CALN1: variants seen among roughly 807,000 people sequenced by gnomAD.
CALN1 encodes calneuron 1.
Under a neutral mutation model 30.6 loss-of-function variants are expected in CALN1, and 17 were observed. The ratio of observed to expected loss-of-function variants is 0.56; its 90% CI spans 0.38 to 0.83. The LOEUF is 0.83. Ranked by LOEUF, CALN1 falls within the 40% of genes least tolerant of loss-of-function variation. The pLI is 0.00. For missense variants in CALN1, 291 were observed against 354.9 expected, an observed-to-expected ratio of 0.82 and a Z score of 1.45; for synonymous variants, 156 against 131.4, an observed-to-expected ratio of 1.19 and a Z score of -1.28.
intron 2 of CALN1, among the ~76,000 whole-genome samples, chr7:72,292,771 A>G (rs1234495246): frequency 7.0e-6 from 1 of 142,646 alleles, no homozygotes; most frequent in Non-Finnish European, 1.5e-5. Context: ...CAGTGAGCCG[A>G]GATCGCGCCA....
At chr7:72,426,578 C>T (rs1185566392) in intron 1 of CALN1, among the ~76,000 whole-genome samples, 1 of 152,172 alleles carries the variant, frequency 6.6e-6, no homozygotes, top group African/African-American at 2.4e-5. Context: ...ATTACACAGT[C>T]TCAGGCATTA....
intron 4 of CALN1, among the ~76,000 whole-genome samples, chr7:72,043,413 GA>G (rs1042745427): frequency 1.3e-4 from 20 of 151,948 alleles, no homozygotes; most frequent in Non-Finnish European, 2.6e-4. Flanking sequence ...AATAAAAATA[GA>G]AAAAAATGCT....
At chr7:72,500,543 G>A in the CALN1 span, among the ~76,000 whole-genome samples, 1 of 151,832 alleles carries the variant, frequency 6.6e-6, no homozygotes, top group Non-Finnish European at 1.5e-5. Context: ...GCTTCCCAAA[G>A]TGCTGGGATT....
At chr7:72,397,019 T>TC (rs929345993) in intron 2 of CALN1, among the ~76,000 whole-genome samples, 2 of 151,648 alleles carry the variant, frequency 1.3e-5, no homozygotes, top group Non-Finnish European at 2.9e-5. Flanking sequence ...CAAGCAATCC[T>TC]CCCCCCTCAG....
At chr7:71,920,046 CAAAAGCATAT>C (rs1794860804) in intron 5 of CALN1, among the ~76,000 whole-genome samples, 2 of 152,282 alleles carry the variant, frequency 1.3e-5, no homozygotes, top group Non-Finnish European at 2.9e-5. Context: ...GTACAATGTT[CAAAAGCATAT>C]GAAAGCTTCT....
At chr7:71,991,048 A>AG (rs111795537) in intron 5 of CALN1, among the ~76,000 whole-genome samples, 7,360 of 146,292 alleles carry the variant, frequency 0.05, 624 homozygotes, top group East Asian at 0.29. Context: ...TGAAACAGTG[A>AG]GGGGGGGGGT....
At chr7:72,195,489 C>T (rs1221444693) in intron 3 of CALN1, among the ~76,000 whole-genome samples, 2 of 152,194 alleles carry the variant, frequency 1.3e-5, no homozygotes, top group Non-Finnish European at 1.5e-5. Context: ...TATCCTCCTG[C>T]TTCAGCCTCC....
chr7:71,980,948 C>A (rs1005934368), intron 5 of CALN1, among the ~76,000 whole-genome samples: 14 of 152,034 alleles, frequency 9.2e-5, no homozygotes, highest in Admixed American at 4.6e-4. Flanking sequence ...AGGGTTCTTT[C>A]CAACCCTGGG....
At chr7:72,291,875 G>T (rs1193607257) in intron 2 of CALN1, among the ~76,000 whole-genome samples, 8 of 151,998 alleles carry the variant, frequency 5.3e-5, no homozygotes, top group Non-Finnish European at 8.8e-5. Flanking sequence ...GCCTCCCAAA[G>T]TACTGGGATT....
Position 72,023,726 on chromosome 7 carries a change from G to A in CALN1, c.432C>T (p.Gly144=), listed in dbSNP as rs1800868462. The A allele has an allele frequency of 3.1e-6, 5 of 1,613,918 alleles. No homozygotes were observed. The East Asian group carries it at 1.1e-4, about 36-fold the overall frequency. The change falls in exon 5 of 7, where the codon GGC becomes GGT. Residue 144 remains glycine (G), a synonymous_variant. Transcript: ENST00000395275. ...VDFDEFMTIL[G]PKLVSSEGRD... is the part of the protein sequence containing the mutation. ...GACCTTCTGAAGACACCAGTTTGGGGCCAAGAATGGTCATGAATTCATCAA... is the reference window on the plus strand; with the variant it reads ...GACCTTCTGAAGACACCAGTTTGGGACCAAGAATGGTCATGAATTCATCAA...
At chr7:72,380,677 G>A (rs887718521) in intron 2 of CALN1, among the ~76,000 whole-genome samples, 1 of 151,440 alleles carries the variant, frequency 6.6e-6, no homozygotes, top group Non-Finnish European at 1.5e-5. Flanking sequence ...GTGGATGGAT[G>A]GATGGATGGA....
rs150508130 is a variant in CALN1, at chr7:72,253,649, A to G, written c.244+25037T>C. Reference sequence around the variant, plus strand: ...AGAACAGCACGGGGGAACTACCCCCATGATCCAATCATCTCCCACCAGGTC... The same window carrying G: ...AGAACAGCACGGGGGAACTACCCCCGTGATCCAATCATCTCCCACCAGGTC... On this transcript the variant is annotated intron_variant, in intron 3 of 6. Transcript: ENST00000395275. Among the ~76,000 whole-genome samples the G allele has an allele frequency of 1.3e-3, 202 of 152,372 alleles. 1 individual carries two copies. The highest frequency in any genetic ancestry group is 4.6e-3 in the African/African-American group (192 of 41,592).
intron 4 of CALN1, among the ~76,000 whole-genome samples, chr7:72,099,564 A>G (rs1806497364): frequency 6.6e-6 from 1 of 151,944 alleles, no homozygotes; most frequent in African/African-American, 2.4e-5. Flanking sequence ...AAGTTTACTC[A>G]TTGGCAACGT....
At chr7:72,297,921 C>T (rs1317970848) in intron 2 of CALN1, among the ~76,000 whole-genome samples, 2 of 152,166 alleles carry the variant, frequency 1.3e-5, no homozygotes, top group African/African-American at 4.8e-5. Flanking sequence ...TTGATCTCTT[C>T]ATTTGGAAGT....
At chr7:71,879,514 A>G (rs759261966) in intron 5 of CALN1, among the ~76,000 whole-genome samples, 11 of 152,162 alleles carry the variant, frequency 7.2e-5, no homozygotes, top group Non-Finnish European at 1.3e-4. Context: ...AAGAGCAGAG[A>G]TTGTGGGGTT....
At chr7:72,035,376 G>A (rs368600262) in intron 4 of CALN1, among the ~76,000 whole-genome samples, 4 of 135,646 alleles carry the variant, frequency 2.9e-5, no homozygotes, top group African/African-American at 1.2e-4. Context: ...TCCTTTTTGT[G>A]TCTGGCTTAT....
At chr7:72,490,226 T>C in the CALN1 span, among the ~76,000 whole-genome samples, 1 of 152,168 alleles carries the variant, frequency 6.6e-6, no homozygotes, top group Non-Finnish European at 1.5e-5. Flanking sequence ...GGCTTAGGGA[T>C]TCCAGCAAGT....
intron 3 of CALN1, among the ~76,000 whole-genome samples, chr7:72,215,935 G>C (rs938896618): frequency 6.6e-6 from 1 of 152,214 alleles, no homozygotes; most frequent in East Asian, 1.9e-4. Flanking sequence ...AGGTAAGCAT[G>C]GGTCGGACCA....
At chr7:72,334,748 T>G (rs1352548646) in intron 2 of CALN1, among the ~76,000 whole-genome samples, 1 of 152,246 alleles carries the variant, frequency 6.6e-6, no homozygotes, top group Non-Finnish European at 1.5e-5. Context: ...CAATAAAATA[T>G]CGTGAGGATT....
Sources: allele counts gnomAD v4.1 joint callset (sites outside exome capture counted in the v4.1 genomes callset), GRCh38; gene constraint gnomAD v4.1.1; transcripts MANE v1.5; gene names NCBI Gene and HGNC (gene_info 2026-07-23, HGNC 2026-07-21).